The following SYBU variants were observed in gnomAD, a reference collection of about 807,000 sequenced individuals.
The protein encoded by SYBU is syntabulin, also known as GOLSYN A protein.
A neutral mutation model predicts 35.9 loss-of-function variants in SYBU; 21 were observed. The ratio of observed to expected loss-of-function variants is 0.58; its 90% CI spans 0.41 to 0.84. SYBU has a LOEUF of 0.84. SYBU is among the 40% of genes least tolerant of loss of function. The pLI, the probability that SYBU is intolerant of heterozygous loss-of-function variation, is 0.00. For synonymous variants in SYBU, 319 were observed against 324.3 expected, an observed-to-expected ratio of 0.98 and a Z score of 0.18; for missense variants, 768 against 848.2, an observed-to-expected ratio of 0.91 and a Z score of 1.17.
In SYBU at chr8:109,586,136, T is replaced by C; in HGVS notation, c.454A>G (p.Ser152Gly). 6.2e-7 allele frequency: 1 copy of C among 1,610,252 alleles called. No individual in the cohort carries two copies. Among genetic ancestry groups the C allele is most frequent in the Non-Finnish European group, 8.5e-7 (1 of 1,178,648 alleles). The change falls in exon 4 of 7, where the codon AGC (serine) becomes GGC (glycine). Residue 152 changes from serine (S) to glycine (G), a missense_variant. Transcript: ENST00000276646. Reference protein sequence around the residue: ...PGSEADFSSSSSTGSISAPEV... With the variant: ...PGSEADFSSSGSTGSISAPEV... ...GGAGCGGAAATGCTGCCTGTGCTGC[T>C]CGAGGAGCTAAAATCAGCTTCACTA...
intron 2 of SYBU, among the ~76,000 whole-genome samples, chr8:109,621,158 T>G (rs559284999): frequency 1.3e-5 from 2 of 152,210 alleles, no homozygotes; most frequent in Non-Finnish European, 2.9e-5. Context: ...GGGATAAAAT[T>G]AAACAATTTC....
At chr8:109,671,459 G>A (rs1563774968) in intron 1 of SYBU, among the ~76,000 whole-genome samples, 1 of 152,264 alleles carries the variant, frequency 6.6e-6, no homozygotes, top group African/African-American at 2.4e-5. Flanking sequence ...CATTGAGGAT[G>A]GCAGATGGCC....
upstream of SYBU, chr8:109,645,653 C>CTTTTTTTTTTTTTTTTTTTTTTTTTTTT (rs1815617775): frequency 3.8e-6 from 1 of 265,946 alleles, no homozygotes; most frequent in African/African-American, 3.5e-5. Flanking sequence ...TTTTCCGTTG[C>CTTTTTTTTTTTTTTTTTTTTTTTTTTTT]TGTTGAAACG....
chr8:109,643,183 C>T, intron 1 of SYBU: 2 of 1,163,142 alleles, frequency 1.7e-6, no homozygotes, highest in Non-Finnish European at 2.1e-6. Context: ...ATATACACAC[C>T]TCCACTCACT....
At chr8:109,614,485 C>T (rs930678660) in intron 3 of SYBU, among the ~76,000 whole-genome samples, 1 of 152,222 alleles carries the variant, frequency 6.6e-6, no homozygotes, top group African/African-American at 2.4e-5. Flanking sequence ...CTAATCTGTA[C>T]CACAGTCCAA....
chr8:109,594,782 C>T (rs1353481787), intron 3 of SYBU, among the ~76,000 whole-genome samples: 1 of 152,212 alleles, frequency 6.6e-6, no homozygotes, highest in Non-Finnish European at 1.5e-5. Context: ...AGTTCTGACA[C>T]TGGACTCAAC....
At chr8:109,583,202 G>A (rs73700659) in intron 4 of SYBU, among the ~76,000 whole-genome samples, 5,659 of 152,250 alleles carry the variant, frequency 0.037, 186 homozygotes, top group African/African-American at 0.093. Flanking sequence ...TGGGCATCAT[G>A]TCAAGCACTC....
rs969350312 is a variant in SYBU, at chr8:109,579,862, G to T, written c.671C>A (p.Pro224His). 3 of 1,613,818 alleles carry T rather than the reference G, an allele frequency of 1.9e-6. No homozygotes were observed. Among genetic ancestry groups the T allele is most frequent in the Middle Eastern group, 3.3e-4 (2 of 6,060 alleles). Reference sequence around the variant, plus strand: ...TGAGTTGCTACTGCTTGGGGAAGAAGGTGCATAACTGGGATGGATATTGAC... The same window carrying T: ...TGAGTTGCTACTGCTTGGGGAAGAATGTGCATAACTGGGATGGATATTGAC... ...SPVNIHPSYAPSSPSSSNSGS... is the reference protein window; with the variant it reads ...SPVNIHPSYAHSSPSSSNSGS... Residue 224 changes from proline to histidine, a missense_variant, in exon 5 of 7, where the codon CCT becomes CAT. Physicochemically the swap from Pro to His is moderately conservative, Grantham distance 77. Coordinates refer to ENST00000276646, the MANE Select transcript of SYBU (RefSeq NM_001099754.2).
At chr8:109,677,034 A>G (rs115037182) in intron 1 of SYBU, among the ~76,000 whole-genome samples, 4 of 146,086 alleles carry the variant, frequency 2.7e-5, no homozygotes, top group African/African-American at 1.0e-4. Flanking sequence ...CAGGGTGTTC[A>G]TGTGTGTGTG....
intron 1 of SYBU, among the ~76,000 whole-genome samples, chr8:109,652,003 TCATC>T (rs1395432979): frequency 6.6e-6 from 1 of 152,200 alleles, no homozygotes; most frequent in Non-Finnish European, 1.5e-5. Flanking sequence ...ATTCATTCAT[TCATC>T]CATCCATCAC....
At chr8:109,643,264 A>C in intron 1 of SYBU, 1 of 864,718 alleles carries the variant, frequency 1.2e-6, no homozygotes, top group Non-Finnish European at 1.4e-6. Flanking sequence ...TATCACATTC[A>C]AGCTTCTGCC....
intron 1 of SYBU, among the ~76,000 whole-genome samples, chr8:109,658,877 C>A (rs767528165): frequency 6.6e-6 from 1 of 151,958 alleles, no homozygotes; most frequent in Non-Finnish European, 1.5e-5. Flanking sequence ...TCGCTTGAAC[C>A]GGAAAGGCGG....
At chr8:109,663,212 G>A (rs928981961) in intron 1 of SYBU, among the ~76,000 whole-genome samples, 2 of 151,964 alleles carry the variant, frequency 1.3e-5, no homozygotes, top group Non-Finnish European at 2.9e-5. Flanking sequence ...GGCTCTCTCA[G>A]TCATATCTTA....
At position 109,581,458 on chromosome 8, in the gene SYBU, T is replaced by C. The variant is rs531357074; in HGVS notation, c.531-1456A>G. Among the ~76,000 whole-genome samples, 4 of 152,320 alleles carry C rather than the reference T, an allele frequency of 2.6e-5. No homozygotes were observed. In the South Asian group the frequency reaches 8.3e-4, roughly 32 times the overall value. ...TTAAGGGTAACTCAACTGTAGAGTA[T>C]TATTAGAGGATAAACTTGTTCAAAC... On this transcript the variant is annotated intron_variant, in intron 4 of 6. Coordinates refer to ENST00000276646, the MANE Select transcript of SYBU (RefSeq NM_001099754.2).
At chr8:109,583,975 A>AT (rs375357215) in intron 4 of SYBU, among the ~76,000 whole-genome samples, 10,074 of 144,466 alleles carry the variant, frequency 0.07, 1,011 homozygotes, top group African/African-American at 0.23. Context: ...TGCCCGGCTA[A>AT]TTTTTTTTTT....
chr8:109,601,455 A>T (rs988187729), intron 3 of SYBU, among the ~76,000 whole-genome samples: 1 of 152,228 alleles, frequency 6.6e-6, no homozygotes, highest in Admixed American at 6.5e-5. Flanking sequence ...ATGGAGAAAC[A>T]GTTCCAATGC....
chr8:109,586,466 A>G (rs1485745560), intron 3 of SYBU: 3 of 307,892 alleles, frequency 9.7e-6, no homozygotes, highest in African/African-American at 6.4e-5. Flanking sequence ...GTTCTCCCGT[A>G]TGTGAGGCTC....
upstream of SYBU, among the ~76,000 whole-genome samples, chr8:109,685,224 C>T (rs1361663377): frequency 1.3e-5 from 2 of 152,194 alleles, no homozygotes; most frequent in African/African-American, 4.8e-5. Context: ...AAATACCTAA[C>T]ATTTAATATA....
intron 3 of SYBU, among the ~76,000 whole-genome samples, chr8:109,602,995 T>C (rs531307672): frequency 6.6e-6 from 1 of 152,236 alleles, no homozygotes; most frequent in Non-Finnish European, 1.5e-5. Flanking sequence ...GATCAGGTGA[T>C]GTGGTCACAG....
Sources: gnomAD v4.1 joint callset for allele counts (sites outside exome capture counted in the v4.1 genomes callset) on GRCh38, gnomAD v4.1.1 for gene constraint, MANE v1.5 for transcripts, NCBI Gene and HGNC (gene_info 2026-07-23, HGNC 2026-07-21) for gene names.